PAK5: variants seen among roughly 807,000 people sequenced by gnomAD.
PAK5 encodes p21 (RAC1) activated kinase 5.
Under a neutral mutation model 65.9 loss-of-function variants are expected in PAK5, and 16 were observed. The observed-to-expected ratio is 0.24, with a 90% CI of 0.16 to 0.37. The LOEUF (loss-of-function observed/expected upper bound fraction) is 0.37, where lower values mean the gene tolerates loss of function less well. PAK5 is among the 10% of genes least tolerant of loss of function. The probability of loss-of-function intolerance (pLI) is 1.00; values close to 1 mark genes in which losing one functional copy is unlikely to be tolerated. For missense variants in PAK5, 785 were observed against 903.9 expected, an observed-to-expected ratio of 0.87 and a Z score of 1.69; for synonymous variants, 371 against 354.9, an observed-to-expected ratio of 1.05 and a Z score of -0.51.
intron 2 of PAK5, among the ~76,000 whole-genome samples, chr20:9,680,097 T>C (rs1451678917): frequency 1.3e-5 from 2 of 152,238 alleles, no homozygotes; most frequent in Non-Finnish European, 2.9e-5. Flanking sequence ...TAATGGATGA[T>C]GAGTTTCAAA....
chr20:9,574,545 G>A lies in PAK5; in HGVS notation c.990+5600C>T, dbSNP rs1268217372. 2.0e-5 allele frequency among the ~76,000 whole-genome samples: 3 copies of A among 152,158 alleles called. No homozygotes were observed. The East Asian group carries it at 5.8e-4, about 29-fold the overall frequency. Reference sequence around the variant, plus strand: ...CAGAATATTGTTCAAATATGTCAGGGCCTCTGAGAGAGCTAGGAACGGACA... The same window carrying A: ...CAGAATATTGTTCAAATATGTCAGGACCTCTGAGAGAGCTAGGAACGGACA... On this transcript the variant is annotated intron_variant, in intron 4 of 9. Transcript: ENST00000353224.
intron 1 of PAK5, among the ~76,000 whole-genome samples, chr20:9,787,399 G>T (rs981572955): frequency 6.6e-6 from 1 of 152,064 alleles, no homozygotes; most frequent in Non-Finnish European, 1.5e-5. Context: ...TTTCCACATG[G>T]TTCTCTTGCT....
At chr20:9,578,605 T>C (rs962201451) in intron 4 of PAK5, among the ~76,000 whole-genome samples, 27 of 152,208 alleles carry the variant, frequency 1.8e-4, no homozygotes, top group Admixed American at 1.1e-3. Context: ...ACCACTGATA[T>C]TCAAAGCCTC....
intron 2 of PAK5, among the ~76,000 whole-genome samples, chr20:9,668,248 G>C (rs2047446530): frequency 1.3e-5 from 2 of 152,128 alleles, no homozygotes; most frequent in African/African-American, 4.8e-5. Flanking sequence ...AGTGGTAATA[G>C]AAACCTAAAC....
chr20:9,677,412 T>C (rs1054445163), intron 2 of PAK5, among the ~76,000 whole-genome samples: 4 of 152,194 alleles, frequency 2.6e-5, no homozygotes, highest in African/African-American at 7.2e-5. Context: ...TTTCTTTTTC[T>C]ACTTTGATTT....
intron 1 of PAK5, among the ~76,000 whole-genome samples, chr20:9,723,174 A>C (rs2123526645): frequency 6.6e-6 from 1 of 152,284 alleles, no homozygotes; most frequent in Non-Finnish European, 1.5e-5. Flanking sequence ...GGAGGGAAAA[A>C]CTGAAAGTGG....
rs192182687 is a variant in PAK5, at chr20:9,720,978, G to A, written c.-161-9543C>T. Reference sequence around the variant, plus strand: ...AAAATGAGGAGTAACTGCTTAATGGGTACAGGGTTTTATTTTGGAGCAATG... The same window carrying A: ...AAAATGAGGAGTAACTGCTTAATGGATACAGGGTTTTATTTTGGAGCAATG... On this transcript the variant is annotated intron_variant, in intron 1 of 9. Transcript: ENST00000353224. Among the ~76,000 whole-genome samples the A allele has an allele frequency of 1.6e-4, 24 of 152,192 alleles. No individual in the cohort carries two copies. In the East Asian group the frequency reaches 4.4e-3, roughly 28 times the overall value.
At chr20:9,660,176 A>G (rs954712145) in intron 2 of PAK5, among the ~76,000 whole-genome samples, 1 of 151,998 alleles carries the variant, frequency 6.6e-6, no homozygotes, top group Non-Finnish European at 1.5e-5. Context: ...TAATCCTGGC[A>G]TGAGGGGGAT....
At chr20:9,594,387 G>A (rs6086949) in intron 3 of PAK5, among the ~76,000 whole-genome samples, 37,169 of 152,170 alleles carry the variant, frequency 0.24, 4,840 homozygotes, top group Non-Finnish European at 0.29. Context: ...AAATTAGTCT[G>A]CCTTGGGGAG....
chr20:9,640,977 T>G (rs1010777485), intron 3 of PAK5, among the ~76,000 whole-genome samples: 4 of 152,214 alleles, frequency 2.6e-5, no homozygotes, highest in African/African-American at 9.6e-5. Context: ...CCCAGTGGGC[T>G]GCCAATGCTG....
At chr20:9,716,758 C>T (rs1160986134) in intron 1 of PAK5, among the ~76,000 whole-genome samples, 1 of 152,124 alleles carries the variant, frequency 6.6e-6, no homozygotes, top group African/African-American at 2.4e-5. Flanking sequence ...TATATCTCTG[C>T]TAAAGCCATA....
At position 9,653,505 on chromosome 20, in the gene PAK5, T is replaced by C. The variant is rs113139386; in HGVS notation, c.-11-9166A>G. On this transcript the variant is annotated intron_variant, in intron 2 of 9. Transcript: ENST00000353224. Reference sequence around the variant, plus strand: ...TTGCTCTGTTTCTTTCCTACATATCTCAATCCTTATATAGATAGCATCCCA... The same window carrying C: ...TTGCTCTGTTTCTTTCCTACATATCCCAATCCTTATATAGATAGCATCCCA... Among the ~76,000 whole-genome samples, 148 of 152,312 alleles carry C rather than the reference T, an allele frequency of 9.7e-4. 2 individuals are homozygous for C. Among genetic ancestry groups the C allele is most frequent in the Middle Eastern group, 3.4e-3 (1 of 294 alleles).
chr20:9,749,144 T>C (rs1354506022), intron 1 of PAK5, among the ~76,000 whole-genome samples: 3 of 152,190 alleles, frequency 2.0e-5, no homozygotes, highest in Non-Finnish European at 4.4e-5. Context: ...ACAAAAAAAC[T>C]CAGTATCTTA....
At chr20:9,734,986 T>C (rs1040986431) in intron 1 of PAK5, among the ~76,000 whole-genome samples, 2 of 152,198 alleles carry the variant, frequency 1.3e-5, no homozygotes, top group African/African-American at 4.8e-5. Flanking sequence ...GAATACATAA[T>C]GCTATGTACA....
At chr20:9,787,300 G>A (rs541242967) in intron 1 of PAK5, among the ~76,000 whole-genome samples, 56 of 152,172 alleles carry the variant, frequency 3.7e-4, no homozygotes, top group African/African-American at 1.3e-3. Flanking sequence ...AGCTCCAGTA[G>A]TACCCTTACT....
chr20:9,672,903 A>C (rs894010240), intron 2 of PAK5, among the ~76,000 whole-genome samples: 4 of 152,184 alleles, frequency 2.6e-5, no homozygotes, highest in Non-Finnish European at 5.9e-5. Flanking sequence ...CCTATAAAGG[A>C]GGCAGCAAAT....
chr20:9,668,117 AAAGAGAAGCCGCATGTTAGG>A (rs1343727527), intron 2 of PAK5, among the ~76,000 whole-genome samples: 1 of 152,132 alleles, frequency 6.6e-6, no homozygotes, highest in Admixed American at 6.6e-5. Flanking sequence ...TGTCCTTTAA[AAAGAGAAGCCGCATGTTAGG>A]GTATCCATCT....
intron 3 of PAK5, among the ~76,000 whole-genome samples, chr20:9,633,728 C>T (rs144341310): frequency 7.8e-4 from 118 of 152,248 alleles, no homozygotes; most frequent in Middle Eastern, 3.4e-3. Flanking sequence ...TCAGTATATG[C>T]GGTCCCTGTG....
At chr20:9,575,014 A>G (rs545015900) in intron 4 of PAK5, among the ~76,000 whole-genome samples, 1 of 152,296 alleles carries the variant, frequency 6.6e-6, no homozygotes, top group Admixed American at 6.5e-5. Context: ...TGGGCATGAC[A>G]AGTACCACAA....
Sources: gnomAD v4.1 joint callset for allele counts (sites outside exome capture counted in the v4.1 genomes callset) on GRCh38, gnomAD v4.1.1 for gene constraint, MANE v1.5 for transcripts, NCBI Gene and HGNC (gene_info 2026-07-23, HGNC 2026-07-21) for gene names.